CSMD2: variants seen among roughly 807,000 people sequenced by gnomAD.
CSMD2 encodes CUB and sushi domain-containing protein 2.
In CSMD2, 130 loss-of-function variants were observed where a neutral mutation model predicts 398.5. The ratio of observed to expected loss-of-function variants is 0.33; its 90% CI spans 0.28 to 0.38. The LOEUF is 0.38. CSMD2 is among the 10% of genes least tolerant of loss of function. CSMD2 has a pLI of 1.00. For missense variants in CSMD2, 3,829 were observed against 4,764.9 expected (o/e 0.80, Z 5.78); for synonymous variants, 1,828 against 1,908.5 (o/e 0.96, Z 1.10).
chr1:33,810,924 C>T (rs1013942610), intron 9 of CSMD2, 60 bp from the exon 10 acceptor site: 29 of 1,576,906 alleles, frequency 1.8e-5, no homozygotes, highest in Non-Finnish European at 2.4e-5. Flanking sequence ...CCCCTTCTTG[C>T]CTCCCACTCC....
intron 22 of CSMD2, 111 bp from the exon 23 acceptor site, chr1:33,700,784 T>C: frequency 9.8e-7 from 1 of 1,020,538 alleles, no homozygotes; most frequent in Non-Finnish European, 1.5e-6. Context: ...GTAACAACTA[T>C]CAGAGGCACA....
intron 1 of CSMD2, among the ~76,000 whole-genome samples, chr1:34,144,985 C>A (rs374263819): frequency 1.3e-5 from 2 of 152,226 alleles, no homozygotes; most frequent in Non-Finnish European, 2.9e-5. Flanking sequence ...CCACTCTGAT[C>A]GGTGAGACCG....
intron 1 of CSMD2, among the ~76,000 whole-genome samples, chr1:34,099,903 C>T (rs1239516585): frequency 6.6e-6 from 1 of 152,026 alleles, no homozygotes; most frequent in African/African-American, 2.4e-5. Context: ...GGGAGGATGG[C>T]AAGGTGGAAA....
chr1:33,558,218 C>G (rs1244974776), intron 54 of CSMD2, among the ~76,000 whole-genome samples: 1 of 151,216 alleles, frequency 6.6e-6, no homozygotes, highest in African/African-American at 2.5e-5. Context: ...CTTGTTTGAA[C>G]ACACGAGTCC....
chr1:34,146,222 A>G (rs895330843), intron 1 of CSMD2, among the ~76,000 whole-genome samples: 18 of 152,166 alleles, frequency 1.2e-4, no homozygotes, highest in African/African-American at 4.3e-4. Context: ...CCTGAGGGGT[A>G]TCAGGCACAC....
intron 2 of CSMD2, among the ~76,000 whole-genome samples, chr1:34,038,342 G>A (rs1364650551): frequency 6.6e-6 from 1 of 152,184 alleles, no homozygotes; most frequent in Non-Finnish European, 1.5e-5. Flanking sequence ...GTCCCCTGTT[G>A]CTATGAGTTA....
In CSMD2 at chr1:33,709,123, C is replaced by G. The variant is rs775826230; in HGVS notation, c.3542G>C (p.Arg1181Thr). Residue 1181 changes from arginine to threonine, a missense_variant, in exon 22 of 71, where the codon AGG becomes ACG. Coordinates refer to ENST00000373381, the MANE Select transcript of CSMD2 (RefSeq NM_001281956.2). Reference protein sequence around the residue: ...QPGKGIQLKARAFELSEGDVL... With the variant: ...QPGKGIQLKATAFELSEGDVL... ...ATCTCCTTCGGAGAGTTCGAATGCC[C>G]TGGCTTTCAGCTGAATTCCCTTCCC... 1 of 1,614,006 alleles carries G rather than the reference C, an allele frequency of 6.2e-7. No individual in the cohort carries two copies. The highest frequency in any genetic ancestry group is 1.7e-5 in the Admixed American group (1 of 59,986).
intron 13 of CSMD2, among the ~76,000 whole-genome samples, chr1:33,757,568 T>C (rs1649212291): frequency 6.6e-6 from 1 of 152,182 alleles, no homozygotes; most frequent in Non-Finnish European, 1.5e-5. Flanking sequence ...TTTATGCCAC[T>C]GCCTCCAAAA....
intron 43 of CSMD2, among the ~76,000 whole-genome samples, chr1:33,601,472 A>T (rs1167122053): frequency 1.3e-5 from 2 of 152,174 alleles, no homozygotes; most frequent in Non-Finnish European, 1.5e-5. Context: ...AACCTTATCT[A>T]ACCCCTCCTG....
Position 33,633,931 on chromosome 1 carries a change from T to C in CSMD2, c.5087-396A>G, listed in dbSNP as rs772973962. Among the ~76,000 whole-genome samples, 12 of 152,160 alleles carry C rather than the reference T, an allele frequency of 7.9e-5. 1 individual carries two copies. Among genetic ancestry groups the C allele is most frequent in the Non-Finnish European group, 1.8e-4 (12 of 68,026 alleles). ...GATGTCAGGACCCCACATTCATGCG[T>C]CCCAACGTCAGTTAGTCAGTGTCAT... On this transcript the variant is annotated intron_variant, in intron 31 of 70. Coordinates refer to ENST00000373381, the MANE Select transcript of CSMD2 (RefSeq NM_001281956.2). This position sits in a 1 kb window ranked among gnomAD's most constrained non-coding sequence, Gnocchi z 5.0.
intron 5 of CSMD2, among the ~76,000 whole-genome samples, chr1:33,852,793 C>T (rs1638811739): frequency 6.6e-6 from 1 of 152,244 alleles, no homozygotes; most frequent in Admixed American, 6.5e-5. Context: ...CAGGGGTTGG[C>T]AAACTATAGC....
At chr1:33,713,150 G>T (rs1646048871) in intron 21 of CSMD2, among the ~76,000 whole-genome samples, 1 of 152,190 alleles carries the variant, frequency 6.6e-6, no homozygotes, top group African/African-American at 2.4e-5. Context: ...GGTTAAGGGG[G>T]TTTGCTGGCC....
rs1298389028 is a variant in CSMD2, at chr1:33,636,888, GGT to G, written c.4775-336_4775-335del. 6.6e-6 allele frequency among the ~76,000 whole-genome samples: 1 copy of G among 152,146 alleles called. No homozygotes were observed. Among genetic ancestry groups the G allele is most frequent in the African/African-American group, 2.4e-5 (1 of 41,438 alleles). ...AAGGGAAACATGTGTTTCTCTGGCT[GGT>G]GGGGGCTGACAGTCCCTGGACCACA... On this transcript the variant is annotated intron_variant, in intron 29 of 70. Transcript: ENST00000373381. The surrounding 1 kb of genome is among the most constrained non-coding windows in gnomAD (Gnocchi z 4.8).
chr1:33,576,713 TA>T (rs1638266614), intron 49 of CSMD2, among the ~76,000 whole-genome samples: 1 of 152,096 alleles, frequency 6.6e-6, no homozygotes, highest in African/African-American at 2.4e-5. Context: ...AATCAATACA[TA>T]AAAGACCAAA....
At chr1:33,787,678 G>A (rs1014353434) in intron 12 of CSMD2, among the ~76,000 whole-genome samples, 16 of 152,142 alleles carry the variant, frequency 1.1e-4, no homozygotes, top group African/African-American at 9.7e-5. Flanking sequence ...CTGGTCTAGC[G>A]TCTAGTACCT....
At chr1:33,576,870 A>T (rs1423697808) in intron 49 of CSMD2, among the ~76,000 whole-genome samples, 2 of 151,926 alleles carry the variant, frequency 1.3e-5, no homozygotes, top group African/African-American at 4.8e-5. Flanking sequence ...AAACTGTCAT[A>T]AATCATAAAA....
At chr1:33,938,459 ACAC>A (rs1644553597) in intron 3 of CSMD2, among the ~76,000 whole-genome samples, 1 of 128,284 alleles carries the variant, frequency 7.8e-6, no homozygotes. Flanking sequence ...CCATGATCTC[ACAC>A]TGCTGGCTTA....
At chr1:34,073,225 T>C (rs775268277) in intron 2 of CSMD2, among the ~76,000 whole-genome samples, 1 of 152,254 alleles carries the variant, frequency 6.6e-6, no homozygotes, top group Non-Finnish European at 1.5e-5. Flanking sequence ...GATGGCAAAT[T>C]TGCCAGCATT....
At chr1:33,842,353 G>T (rs974358178) in intron 6 of CSMD2, among the ~76,000 whole-genome samples, 1 of 152,152 alleles carries the variant, frequency 6.6e-6, no homozygotes, top group African/African-American at 2.4e-5. Flanking sequence ...CTAGGGCAAA[G>T]ATCTTCCTAA....
Sources: gnomAD v4.1 joint callset for allele counts (sites outside exome capture counted in the v4.1 genomes callset) on GRCh38, gnomAD v4.1.1 for gene constraint, Gnocchi (gnomAD v3.1) non-coding constraint, MANE v1.5 for transcripts, NCBI Gene and HGNC (gene_info 2026-07-23, HGNC 2026-07-21) for gene names.